Variants in TOP2B observed in about 807,000 individuals in gnomAD.
TOP2B encodes DNA topoisomerase II beta.
In TOP2B, 51 loss-of-function variants were observed where a neutral mutation model predicts 193.5. The observed-to-expected ratio is 0.26, with a 90% CI of 0.21 to 0.33. The LOEUF is 0.33. Ranked by LOEUF, TOP2B falls within the 10% of genes least tolerant of loss-of-function variation. The probability of loss-of-function intolerance (pLI) is 1.00; values close to 1 mark genes in which losing one functional copy is unlikely to be tolerated. For missense variants in TOP2B, 1,378 were observed against 1,909.3 expected, an observed-to-expected ratio of 0.72 and a Z score of 5.19; for synonymous variants, 634 against 635.7, an observed-to-expected ratio of 1.00 and a Z score of 0.04.
chr3:25,629,995 T>C (rs772975674), intron 13 of TOP2B, 34 bp downstream of exon 13: 5 of 1,545,248 alleles, frequency 3.2e-6, no homozygotes, highest in African/African-American at 2.8e-5. Context: ...GAAGAAGACA[T>C]GAATTTGAAA....
chr3:25,658,612 A>G (rs1013165063), intron 1 of TOP2B, among the ~76,000 whole-genome samples: 5 of 152,126 alleles, frequency 3.3e-5, no homozygotes, highest in African/African-American at 9.6e-5. Context: ...TTTAGGGAAA[A>G]TTTAAAATTA....
intron 12 of TOP2B, 51 bp downstream of exon 12, chr3:25,630,261 T>C (rs1302241943): frequency 5.5e-5 from 84 of 1,528,870 alleles, no homozygotes; most frequent in Non-Finnish European, 6.7e-5. Flanking sequence ...AGAAATGTCA[T>C]ATGTATGTGT....
chr3:25,663,942 AAAAG>A (rs986270224), intron 1 of TOP2B, among the ~76,000 whole-genome samples: 1 of 103,538 alleles, frequency 9.7e-6, no homozygotes, highest in African/African-American at 6.5e-5. Context: ...GGTTAAAAAG[AAAAG>A]AGAGGAAGCG....
At chr3:25,642,755 TG>T (rs1418100043) in intron 3 of TOP2B, among the ~76,000 whole-genome samples, 1 of 152,168 alleles carries the variant, frequency 6.6e-6, no homozygotes, top group Non-Finnish European at 1.5e-5. Flanking sequence ...TGCATTCTAT[TG>T]ATCACTTTCA....
At position 25,618,760 on chromosome 3, in the gene TOP2B, G is replaced by A. The variant is rs760995483; in HGVS notation, c.3153C>T (p.Tyr1051=). 6.1e-5 allele frequency: 99 copies of A among 1,613,038 alleles called. No homozygotes were observed. The highest frequency in any genetic ancestry group is 3.6e-4 in the South Asian group (33 of 91,018). ...KEFFDLRLSY[Y]GLRKEWLVGM... ...CCACAAGCCACTCCTTACGTAAACC[G>A]TAATAACTTAATCGTAAATCAAAGA... The change falls in exon 24 of 36, where the codon TAC becomes TAT. Residue 1051 remains tyrosine, a synonymous_variant. Coordinates refer to ENST00000264331, the MANE Select transcript of TOP2B (RefSeq NM_001330700.2).
chr3:25,664,842 TAAAC>T lies in TOP2B; in HGVS notation c.-549_-546del. 1 of 989,984 alleles carries T rather than the reference TAAAC, an allele frequency of 1.0e-6. No homozygotes were observed. Among genetic ancestry groups the T allele is most frequent in the Non-Finnish European group, 1.2e-6 (1 of 832,788 alleles). The allele number at this position is 989,984 out of a possible 1,614,324, so 61.3% of individuals were successfully genotyped here. Reference sequence around the variant, plus strand: ...CACACACACACACCGAGAGGGACAATAAACAGAGCCGCCGCCGCCGCCGCCACGG... The same window carrying T: ...CACACACACACACCGAGAGGGACAATAGAGCCGCCGCCGCCGCCGCCACGG... On this transcript the variant is annotated 5_prime_UTR_variant, in exon 1 of 36. An upstream open reading frame in the 5' UTR loses its in-frame stop. Coordinates refer to ENST00000264331, the MANE Select transcript of TOP2B (RefSeq NM_001330700.2).
chr3:25,628,546 C>T (rs1702869745), intron 15 of TOP2B, among the ~76,000 whole-genome samples: 1 of 152,108 alleles, frequency 6.6e-6, no homozygotes, highest in African/African-American at 2.4e-5. Context: ...TTCAGAAATA[C>T]ATACTGAAGT....
chr3:25,631,631 T>G (rs865942648), intron 10 of TOP2B, among the ~76,000 whole-genome samples: 7 of 152,058 alleles, frequency 4.6e-5, no homozygotes, highest in Admixed American at 2.0e-4. Flanking sequence ...AGAGGTGAAC[T>G]GTGTTGTCAA....
At chr3:25,620,417 C>CT (rs1491540034) in intron 22 of TOP2B, among the ~76,000 whole-genome samples, 1 of 152,118 alleles carries the variant, frequency 6.6e-6, no homozygotes, top group Non-Finnish European at 1.5e-5. Context: ...ATTAAAAACA[C>CT]TGTCATATTC....
At chr3:25,599,752 G>C (rs1291205235) in intron 34 of TOP2B, among the ~76,000 whole-genome samples, 1 of 152,164 alleles carries the variant, frequency 6.6e-6, no homozygotes, top group African/African-American at 2.4e-5. Flanking sequence ...TAGTGGGAAA[G>C]TCCCAAAGAC....
chr3:25,608,811 G>A (rs1234170435), intron 30 of TOP2B, among the ~76,000 whole-genome samples: 1 of 152,028 alleles, frequency 6.6e-6, no homozygotes, highest in Non-Finnish European at 1.5e-5. Flanking sequence ...CTTTTAAAGC[G>A]GGAGGAAATT....
intron 34 of TOP2B, 48 bp downstream of exon 34, chr3:25,601,052 T>G: frequency 6.4e-7 from 1 of 1,572,784 alleles, no homozygotes; most frequent in Non-Finnish European, 8.6e-7. Context: ...AAATTCAATC[T>G]TTTCCACACA....
intron 21 of TOP2B, among the ~76,000 whole-genome samples, chr3:25,621,650 C>G (rs1702660459): frequency 6.6e-6 from 1 of 152,046 alleles, no homozygotes; most frequent in South Asian, 2.1e-4. Flanking sequence ...TGAGTCACTG[C>G]ACCTGGCCTA....
In TOP2B at chr3:25,626,566, CAA is replaced by C; in HGVS notation, c.2216_2217del (p.Leu739ArgfsTer2). 6.8e-7 allele frequency: 1 copy of C among 1,476,558 alleles called. No individual in the cohort carries two copies. The highest frequency in any genetic ancestry group is 9.1e-7 in the Non-Finnish European group (1 of 1,104,580). 91.5% of individuals were successfully genotyped at this position (1,476,558 alleles called of 1,614,324 possible). On this transcript the variant is annotated frameshift_variant, in exon 18 of 36. Coordinates refer to ENST00000264331, the MANE Select transcript of TOP2B (RefSeq NM_001330700.2). LOFTEE classifies it high-confidence loss of function. ...NSDNERSIPS[L>X]VDGFKPGQRK... ...GTTTTTAAATATTACTCACCATCAA[CAA>C]GAGATGGTATAGATCTTTCATTGTC...
intron 28 of TOP2B, among the ~76,000 whole-genome samples, chr3:25,611,158 T>C (rs1702359007): frequency 6.6e-6 from 1 of 152,144 alleles, no homozygotes; most frequent in Admixed American, 6.5e-5. Flanking sequence ...GGGCCATCAG[T>C]ATGAATGGAA....
intron 1 of TOP2B, among the ~76,000 whole-genome samples, chr3:25,647,225 T>G (rs558670278): frequency 2.0e-5 from 3 of 152,292 alleles, no homozygotes; most frequent in African/African-American, 7.2e-5. Context: ...AATTTACATT[T>G]AAGGGCCAGG....
chr3:25,656,343 C>T (rs184525903), intron 1 of TOP2B, among the ~76,000 whole-genome samples: 1 of 152,114 alleles, frequency 6.6e-6, no homozygotes, highest in Non-Finnish European at 1.5e-5. Flanking sequence ...ATAGGCCTGT[C>T]GTCCCAGCTA....
chr3:25,624,903 G>T, intron 18 of TOP2B, 100 bp from the exon 19 acceptor site: 1 of 1,152,884 alleles, frequency 8.7e-7, no homozygotes, highest in Non-Finnish European at 1.2e-6. Flanking sequence ...AAGAACACCA[G>T]TAAAATTGTT....
rs766660044 is a variant in TOP2B at position 25,624,443 on chromosome 3, T to C, written c.2349A>G (p.Gln783=). The C allele has an allele frequency of 3.1e-6, 5 of 1,613,616 alleles. No individual in the cohort carries two copies. Among genetic ancestry groups the C allele is most frequent in the Non-Finnish European group, 4.2e-6 (5 of 1,179,724 alleles). The change falls in exon 20 of 36, where the codon CAA becomes CAG. Residue 783 remains glutamine (Q), a splice_region_variant and synonymous_variant. Transcript: ENST00000264331. The part of the protein sequence containing the change: ...AEMSAYHHGE[Q]ALMMTIVNLA... ...AATTCACAATAGTCATCATCAATGC[T>C]TGCTATACAACAGAAGAAGGCAGAA...
Sources: allele counts gnomAD v4.1 joint callset (sites outside exome capture counted in the v4.1 genomes callset), GRCh38; gene constraint gnomAD v4.1.1; transcripts MANE v1.5; gene names NCBI Gene and HGNC (gene_info 2026-07-23, HGNC 2026-07-21).